Variants in BLOC1S5 observed in about 807,000 individuals in gnomAD.
The protein encoded by BLOC1S5 is biogenesis of lysosome-related organelles complex 1 subunit 5.
In BLOC1S5, 27 loss-of-function variants were observed where a neutral mutation model predicts 24.3. That is an observed-to-expected ratio of 1.11 (90% CI 0.82 to 1.53). The LOEUF is 1.53. Among genes scored for constraint, BLOC1S5 ranks in the 40% most tolerant of loss-of-function variants. The pLI is 0.00. For missense variants in BLOC1S5, 239 were observed against 229.4 expected, an observed-to-expected ratio of 1.04 and a Z score of -0.27; for synonymous variants, 84 against 74.5, an observed-to-expected ratio of 1.13 and a Z score of -0.66.
rs766036896 is a variant in BLOC1S5, at chr6:8,064,334, C to A, written c.43G>T (p.Ala15Ser). ...CTCTTCTTGCTGCCACCGCCCGGGG[C>A]GGCCTCACAACCCACAGGGGTCTCT... ...GTETPVGCEAAPGGGSKKRDS... is the reference protein window; with the variant it reads ...GTETPVGCEASPGGGSKKRDS... Residue 15 changes from alanine (A) to serine (S), a missense_variant, in exon 1 of 5, where the codon GCC (alanine) becomes TCC (serine). Physicochemically the swap from Ala to Ser is moderately conservative, Grantham distance 99. Coordinates refer to ENST00000397457, the MANE Select transcript of BLOC1S5 (RefSeq NM_201280.3). 18 of 1,612,850 alleles carry A rather than the reference C, an allele frequency of 1.1e-5. No individual in the cohort carries two copies. The Admixed American group carries it at 2.2e-4, about 19-fold the overall frequency.
chr6:8,042,694 C>T (rs7764393), intron 2 of BLOC1S5, among the ~76,000 whole-genome samples: 5,936 of 152,162 alleles, frequency 0.039, 363 homozygotes, highest in African/African-American at 0.13. Flanking sequence ...ATGTGTGGCC[C>T]AACACAATTC....
intron 2 of BLOC1S5, among the ~76,000 whole-genome samples, chr6:8,053,067 T>C (rs1222048609): frequency 1.3e-5 from 2 of 152,198 alleles, no homozygotes; most frequent in Non-Finnish European, 2.9e-5. Context: ...CAATGGCCTC[T>C]ACGTGTTCAA....
At chr6:8,051,217 C>T (rs193269642) in intron 2 of BLOC1S5, among the ~76,000 whole-genome samples, 26 of 151,342 alleles carry the variant, frequency 1.7e-4, no homozygotes, top group African/African-American at 3.6e-4. Context: ...AGTGAACACA[C>T]GAATGATAAG....
chr6:8,041,343 C>G lies in BLOC1S5; in HGVS notation c.196-75G>C, dbSNP rs553858715. 2.3e-5 allele frequency: 27 copies of G among 1,156,986 alleles called. No individual in the cohort carries two copies. In the African/African-American group the frequency reaches 3.5e-4, roughly 15 times the overall value. 71.7% of individuals were successfully genotyped at this position (1,156,986 alleles called of 1,614,324 possible). On this transcript the variant is annotated intron_variant, in intron 2 of 4. Coordinates refer to ENST00000397457, the MANE Select transcript of BLOC1S5 (RefSeq NM_201280.3). ...TTTTTTTTTTTTTGAAATGGAGTCT[C>G]GCTCTGTCGCCCAGACTGGAGTGCG... is the stretch of plus-strand genomic sequence containing the variant.
At chr6:8,031,184 A>C (rs1763283430) in intron 3 of BLOC1S5, among the ~76,000 whole-genome samples, 1 of 152,202 alleles carries the variant, frequency 6.6e-6, no homozygotes, top group Non-Finnish European at 1.5e-5. Flanking sequence ...AGAGGAAGTA[A>C]AATTGTCACT....
At chr6:8,022,337 T>A (rs1218359129) in intron 4 of BLOC1S5, among the ~76,000 whole-genome samples, 2 of 151,086 alleles carry the variant, frequency 1.3e-5, no homozygotes, top group Non-Finnish European at 1.5e-5. Context: ...GTGCCAACAG[T>A]GCTGAGGTTG....
At chr6:8,044,757 T>G (rs1254076348) in intron 2 of BLOC1S5, among the ~76,000 whole-genome samples, 1 of 152,168 alleles carries the variant, frequency 6.6e-6, no homozygotes, top group East Asian at 1.9e-4. Flanking sequence ...GCGCTAGAGA[T>G]CTGTGGAACT....
chr6:8,047,160 T>TCACACACACACA (rs57923927), intron 2 of BLOC1S5, among the ~76,000 whole-genome samples: 14 of 126,948 alleles, frequency 1.1e-4, no homozygotes, highest in African/African-American at 3.8e-4. Context: ...TCTCTCTCTC[T>TCACACACACACA]CACACACACA....
At chr6:8,026,314 A>G in intron 4 of BLOC1S5, 53 bp downstream of exon 4, 1 of 1,401,244 alleles carries the variant, frequency 7.1e-7, no homozygotes, top group Non-Finnish European at 1.0e-6. Flanking sequence ...TGCTAATAAT[A>G]TGATAATAAA....
At chr6:8,057,109 C>T (rs1278677401) in intron 2 of BLOC1S5, among the ~76,000 whole-genome samples, 5 of 152,116 alleles carry the variant, frequency 3.3e-5, no homozygotes, top group Admixed American at 1.3e-4. Flanking sequence ...ATCCCAGCTA[C>T]TTGGGAGGCT....
chr6:8,022,587 TTTTTC>T (rs1178807299), intron 4 of BLOC1S5, among the ~76,000 whole-genome samples: 3 of 125,750 alleles, frequency 2.4e-5, no homozygotes, highest in East Asian at 3.5e-4. Flanking sequence ...TTCTTTTTTT[TTTTTC>T]TTTTTTTTTT....
At chr6:8,053,813 CTT>C (rs1371873387) in intron 2 of BLOC1S5, among the ~76,000 whole-genome samples, 2 of 152,094 alleles carry the variant, frequency 1.3e-5, no homozygotes, top group African/African-American at 4.8e-5. Flanking sequence ...TATATAAAAT[CTT>C]TCTCTGTGTG....
In BLOC1S5 at chr6:8,061,279, TAAA is replaced by T. The variant is rs1448869802; in HGVS notation, c.195+1252_195+1254del. ...ATAAATAAATAAAATATCAAAAAGATAAAAAAGACTTAAAAATTTTTTTTAAAT... is the reference window on the plus strand; with the variant it reads ...ATAAATAAATAAAATATCAAAAAGATAAAGACTTAAAAATTTTTTTTAAAT... On this transcript the variant is annotated intron_variant, in intron 2 of 4. Transcript: ENST00000397457. Among the ~76,000 whole-genome samples, 3 of 152,272 alleles carry T rather than the reference TAAA, an allele frequency of 2.0e-5. No individual in the cohort carries two copies. In the East Asian group the frequency reaches 5.8e-4, roughly 29 times the overall value.
intron 2 of BLOC1S5, among the ~76,000 whole-genome samples, chr6:8,053,797 A>G (rs1490542739): frequency 1.3e-5 from 2 of 152,024 alleles, no homozygotes; most frequent in Non-Finnish European, 2.9e-5. Flanking sequence ...ACACATACAT[A>G]ATATATATAT....
chr6:8,051,558 T>C (rs1332944813), intron 2 of BLOC1S5, among the ~76,000 whole-genome samples: 1 of 152,250 alleles, frequency 6.6e-6, no homozygotes, highest in East Asian at 1.9e-4. Flanking sequence ...CCAATGTATA[T>C]GAAACTGCCT....
chr6:8,036,237 T>C (rs1204232735), intron 3 of BLOC1S5, among the ~76,000 whole-genome samples: 2 of 151,874 alleles, frequency 1.3e-5, no homozygotes, highest in Admixed American at 6.6e-5. Flanking sequence ...AACAGGGAAA[T>C]TTATAGCAGC....
At chr6:8,045,071 A>G (rs1248075143) in intron 2 of BLOC1S5, among the ~76,000 whole-genome samples, 2 of 152,214 alleles carry the variant, frequency 1.3e-5, no homozygotes, top group Non-Finnish European at 2.9e-5. Flanking sequence ...CTCCCATCAC[A>G]GGCCCAGAGG....
intron 3 of BLOC1S5, among the ~76,000 whole-genome samples, chr6:8,026,854 A>C (rs189139003): frequency 3.5e-4 from 53 of 152,318 alleles, no homozygotes; most frequent in African/African-American, 8.7e-4. Context: ...TCTCTTTCTT[A>C]AGAACTGCTA....
intron 3 of BLOC1S5, among the ~76,000 whole-genome samples, chr6:8,040,715 G>C (rs962959815): frequency 6.6e-6 from 1 of 152,024 alleles, no homozygotes; most frequent in African/African-American, 2.4e-5. Flanking sequence ...AATTAGCCAG[G>C]CATGGTGAGA....
Sources: allele counts gnomAD v4.1 joint callset (sites outside exome capture counted in the v4.1 genomes callset), GRCh38; gene constraint gnomAD v4.1.1; transcripts MANE v1.5; gene names NCBI Gene and HGNC (gene_info 2026-07-23, HGNC 2026-07-21).